Variants in BMP2K observed in about 807,000 individuals in gnomAD.
BMP2K encodes the protein BMP2 inducible kinase.
A neutral mutation model predicts 116.0 loss-of-function variants in BMP2K; 74 were observed. The observed-to-expected ratio is 0.64, with a 90% CI of 0.53 to 0.77. The LOEUF is 0.77. Ranked by LOEUF, BMP2K falls within the 30% of genes least tolerant of loss-of-function variation. BMP2K has a pLI of 0.00. For synonymous variants in BMP2K, 486 were observed against 502.5 expected (o/e 0.97, Z 0.44); for missense variants, 1,365 against 1,403.6 (o/e 0.97, Z 0.44).
intron 3 of BMP2K, among the ~76,000 whole-genome samples, chr4:78,836,028 C>G (rs1415623784): frequency 5.9e-5 from 9 of 151,950 alleles, no homozygotes; most frequent in Non-Finnish European, 1.2e-4. Context: ...ATTTTCTTAT[C>G]CTTTTTTTTT....
At chr4:78,786,639 A>G (rs1727745677) in intron 1 of BMP2K, among the ~76,000 whole-genome samples, 1 of 152,162 alleles carries the variant, frequency 6.6e-6, no homozygotes, top group Non-Finnish European at 1.5e-5. Flanking sequence ...ATGTTTGCCC[A>G]GAATGCAAAT....
intron 15 of BMP2K, among the ~76,000 whole-genome samples, chr4:78,907,461 C>A (rs1734343938): frequency 6.6e-6 from 1 of 152,088 alleles, no homozygotes; most frequent in South Asian, 2.1e-4. Context: ...ATTATCTGTC[C>A]TACGTTAAAT....
chr4:78,842,556 A>G (rs781302743), intron 4 of BMP2K, 29 bp downstream of exon 4: 1 of 1,520,970 alleles, frequency 6.6e-7, no homozygotes. Context: ...CTATGGATTA[A>G]GTAATAAGTT....
chr4:78,911,129 T>C lies in BMP2K; in HGVS notation c.2582T>C (p.Val861Ala). ...PKQEFDVFGA[V>A]PFFAVRAQQP... ...CAGGAGTTTGATGTATTTGGCGCTG[T>C]CCCCTTCTTTGCAGTGCGTGCTCAA... Residue 861 changes from valine to alanine, a missense_variant, in exon 16 of 16, where the codon GTC becomes GCC. Physicochemically the swap from Val to Ala is moderately conservative, Grantham distance 64. Around this residue, in one of 3 missense-constraint regions of BMP2K, gnomAD observed 596 missense variants for 623.2 expected, o/e 0.96. Transcript: ENST00000502613. The C allele has an allele frequency of 6.2e-7, 1 of 1,613,930 alleles. No individual in the cohort carries two copies. The highest frequency in any genetic ancestry group is 8.5e-7 in the Non-Finnish European group (1 of 1,179,852).
In BMP2K at chr4:78,915,845, GAATTGTTTTT is replaced by G. The variant is rs1237609921; in HGVS notation, c.*3814_*3823del. ...AAAATTTATACTGCTACTTTTGAAA[GAATTGTTTTT>G]ATGACTATGCTCTTTTTGTGATTGA... On this transcript the variant is annotated 3_prime_UTR_variant, in exon 16 of 16. Coordinates refer to ENST00000502613, the MANE Select transcript of BMP2K (RefSeq NM_198892.2). 1 of 151,830 alleles carries G rather than the reference GAATTGTTTTT, an allele frequency of 6.6e-6. No individual in the cohort carries two copies. The highest frequency in any genetic ancestry group is 1.5e-5 in the Non-Finnish European group (1 of 67,832). 9.4% of individuals were successfully genotyped at this position (151,830 alleles called of 1,614,324 possible).
rs1236623801 is a variant in BMP2K at position 78,871,069 on chromosome 4, T to G, written c.1509+9T>G. 7.5e-6 allele frequency: 12 copies of G among 1,600,640 alleles called. No homozygotes were observed. The highest frequency in any genetic ancestry group is 9.3e-6 in the Non-Finnish European group (11 of 1,178,942). ...ATGCTTATATGCAGCAGGTAATTTT[T>G]TTGTTTCTTTAGATATGGAAGTAGT... On this transcript the variant is annotated intron_variant, in intron 11 of 15. Transcript: ENST00000502613.
Position 78,783,372 on chromosome 4 carries a change from G to T in BMP2K, c.178+6651G>T, listed in dbSNP as rs550745072. Among the ~76,000 whole-genome samples, 209 of 152,260 alleles carry T rather than the reference G, an allele frequency of 1.4e-3. 1 individual carries two copies. The highest frequency in any genetic ancestry group is 4.9e-3 in the African/African-American group (202 of 41,554). ...GTGATAGCTCCTAGGATGTAATTTT[G>T]ATTGTCCGTTAATGTATTTCCTCTA... On this transcript the variant is annotated intron_variant, in intron 1 of 15. Coordinates refer to ENST00000502613, the MANE Select transcript of BMP2K (RefSeq NM_198892.2).
intron 15 of BMP2K, among the ~76,000 whole-genome samples, chr4:78,893,271 T>A (rs1482717790): frequency 6.6e-6 from 1 of 152,246 alleles, no homozygotes; most frequent in East Asian, 1.9e-4. Context: ...ATTACGAGAC[T>A]GCAACAATTC....
chr4:78,867,240 A>T (rs1023583838), intron 10 of BMP2K, among the ~76,000 whole-genome samples: 1 of 152,194 alleles, frequency 6.6e-6, no homozygotes, highest in Non-Finnish European at 1.5e-5. Context: ...CTTAATATAA[A>T]TTTTGTCTAG....
Position 78,888,944 on chromosome 4 carries a change from G to A in BMP2K, c.2062+1660G>A, listed in dbSNP as rs1266768994. Among the ~76,000 whole-genome samples the A allele has an allele frequency of 9.2e-5, 14 of 152,228 alleles. No homozygotes were observed. The South Asian group carries it at 1.5e-3, about 16-fold the overall frequency. On this transcript the variant is annotated intron_variant, in intron 15 of 15. Coordinates refer to ENST00000502613, the MANE Select transcript of BMP2K (RefSeq NM_198892.2). The stretch of plus-strand genomic sequence containing the variant: ...TAAAAAAAATGCCCATTAATGGGCC[G>A]GGCGCGGTGGCTTGCGCCTGTAATC...
At chr4:78,813,012 C>T (rs145158490) in intron 1 of BMP2K, among the ~76,000 whole-genome samples, 8 of 152,012 alleles carry the variant, frequency 5.3e-5, no homozygotes, top group African/African-American at 1.7e-4. Context: ...CCACTGCACT[C>T]CAGCCTGGGC....
At chr4:78,885,023 C>A (rs1201723163) in intron 14 of BMP2K, among the ~76,000 whole-genome samples, 3 of 152,022 alleles carry the variant, frequency 2.0e-5, no homozygotes, top group Non-Finnish European at 4.4e-5. Flanking sequence ...AAAAATAATA[C>A]CCAAAATGAA....
At chr4:78,782,297 A>G (rs1393714853) in intron 1 of BMP2K, among the ~76,000 whole-genome samples, 1 of 152,192 alleles carries the variant, frequency 6.6e-6, no homozygotes, top group Non-Finnish European at 1.5e-5. Context: ...ACCTAGAAAC[A>G]CTAAGGTTGT....
At chr4:78,856,541 A>G (rs570738904) in intron 7 of BMP2K, among the ~76,000 whole-genome samples, 10 of 152,144 alleles carry the variant, frequency 6.6e-5, no homozygotes, top group African/African-American at 2.2e-4. Flanking sequence ...ATTGCTGATA[A>G]TATTCAATTT....
At chr4:78,815,166 GA>G (rs1729279305) in intron 1 of BMP2K, among the ~76,000 whole-genome samples, 3 of 152,070 alleles carry the variant, frequency 2.0e-5, no homozygotes, top group African/African-American at 7.2e-5. Context: ...ATGGTCAGTC[GA>G]AACTATACAC....
chr4:78,882,812 A>G (rs796728012), intron 14 of BMP2K, among the ~76,000 whole-genome samples: 56 of 152,128 alleles, frequency 3.7e-4, no homozygotes, highest in African/African-American at 1.3e-3. Flanking sequence ...TTGTTGTTTC[A>G]CCTATGAAGC....
chr4:78,906,872 T>C (rs571990798), intron 15 of BMP2K, among the ~76,000 whole-genome samples: 47 of 152,302 alleles, frequency 3.1e-4, no homozygotes, highest in Non-Finnish European at 5.3e-4. Context: ...AAATGTGTTA[T>C]CCCATTTTGT....
At chr4:78,879,988 A>G (rs1012232682) in intron 14 of BMP2K, 1 of 151,764 alleles carries the variant, frequency 6.6e-6, no homozygotes, top group African/African-American at 2.4e-5. Flanking sequence ...TACTAAAACA[A>G]TTTTTTTTTA....
chr4:78,896,995 T>TA (rs1419410898), intron 15 of BMP2K, among the ~76,000 whole-genome samples: 2 of 152,132 alleles, frequency 1.3e-5, no homozygotes, highest in African/African-American at 2.4e-5. Context: ...AGCTTAATCT[T>TA]AGAGTTTTGA....
Sources: gnomAD v4.1 joint callset for allele counts (sites outside exome capture counted in the v4.1 genomes callset) on GRCh38, gnomAD v4.1.1 for gene constraint, gnomAD v4.1.1 regional missense constraint, MANE v1.5 for transcripts, NCBI Gene and HGNC (gene_info 2026-07-23, HGNC 2026-07-21) for gene names.